Variants in DHX8 observed in about 807,000 individuals in gnomAD.
DHX8 encodes the protein ATP-dependent RNA helicase DHX8.
A neutral mutation model predicts 140.7 loss-of-function variants in DHX8; 67 were observed. That is an observed-to-expected ratio of 0.48 (90% confidence interval 0.39 to 0.58). The LOEUF is 0.58. DHX8 is among the 20% of genes least tolerant of loss of function. The pLI, the probability that DHX8 is intolerant of heterozygous loss-of-function variation, is 0.00. For synonymous variants in DHX8, 533 were observed against 553.2 expected (o/e 0.96, Z 0.51); for missense variants, 887 against 1,550.7 (o/e 0.57, Z 7.19).
At chr17:43,530,523 G>T (rs954354357), downstream of DHX8, 2 of 995,360 alleles carry the variant, frequency 2.0e-6, no homozygotes, top group African/African-American at 1.6e-5. Context: ...TCCGGGGAAA[G>T]AGTTCGGTGT....
Position 43,517,275 on chromosome 17 carries a change from C to G in DHX8, c.2752C>G (p.Pro918Ala), listed in dbSNP as rs1970160446. 1 of 1,613,800 alleles carries G rather than the reference C, an allele frequency of 6.2e-7. No homozygotes were observed. Among genetic ancestry groups the G allele is most frequent in the Non-Finnish European group, 8.5e-7 (1 of 1,179,974 alleles). ...AGATGAAATGCTGACCACCAACGTG[C>G]CGGAAATCCAGAGAACCAACTTAGC... ...YRDEMLTTNVPEIQRTNLAST... is the reference protein window; with the variant it reads ...YRDEMLTTNVAEIQRTNLAST... The change falls in exon 18 of 23, where the codon CCG becomes GCG. Residue 918 changes from proline to alanine, a missense_variant. Pro to Ala is a conservative substitution (Grantham distance 27). Transcript: ENST00000262415.
rs1474029107 is a variant in DHX8 at position 43,517,178 on chromosome 17, G to A, written c.2655G>A (p.Lys885=). ...VVTPISQAQA[K]QRAGRAGRTG... is the part of the protein sequence containing the mutation. ...GCCCACCCCTCTAGGCTCAGGCAAA[G>A]CAACGAGCTGGCAGAGCTGGGAGAA... Residue 885 remains lysine, a synonymous_variant, in exon 18 of 23, where the codon AAG becomes AAA. Coordinates refer to ENST00000262415, the MANE Select transcript of DHX8 (RefSeq NM_004941.3). The A allele has an allele frequency of 1.9e-6, 3 of 1,613,472 alleles. No homozygotes were observed. The highest frequency in any genetic ancestry group is 2.5e-6 in the Non-Finnish European group (3 of 1,179,808).
chr17:43,539,242 C>T (rs1204646939), intron 3 of DHX8, among the ~76,000 whole-genome samples: 1 of 152,206 alleles, frequency 6.6e-6, no homozygotes, highest in East Asian at 1.9e-4. Flanking sequence ...GAATCTGCAG[C>T]ACTCTGGTCT....
intron 17 of DHX8, among the ~76,000 whole-genome samples, chr17:43,516,939 T>C (rs1462665474): frequency 2.6e-5 from 4 of 152,216 alleles, no homozygotes; most frequent in Non-Finnish European, 5.9e-5. Flanking sequence ...ATTTCTTCCA[T>C]TAACCCTGCT....
chr17:43,522,359 A>C (rs1970416646), intron 22 of DHX8, 133 bp downstream of exon 22: 1 of 849,708 alleles, frequency 1.2e-6, no homozygotes, highest in Non-Finnish European at 1.8e-6. Context: ...TTTCTAGAGC[A>C]GCAGAAACCT....
chr17:43,513,822 T>C (rs1360281264), intron 17 of DHX8, among the ~76,000 whole-genome samples: 1 of 150,470 alleles, frequency 6.6e-6, no homozygotes, highest in African/African-American at 2.4e-5. Context: ...CAAGCGATTC[T>C]CCTGCCTTAG....
rs562564270 is a variant in DHX8, at chr17:43,520,864, C to A, written c.3051C>A (p.Val1017=). The A allele has an allele frequency of 7.5e-6, 12 of 1,609,612 alleles. No homozygotes were observed. The South Asian group carries it at 1.1e-4, about 15-fold the overall frequency. ...TATCCATGCTGTCTGTGCAGAACGT[C>A]TTCTATAGGCCCAAGGTAGGAAGTT... ...TIVSMLSVQN[V]FYRPKDKQAL... The change falls in exon 20 of 23, where the codon GTC becomes GTA. Residue 1017 remains valine (V), a synonymous_variant. Coordinates refer to ENST00000262415, the MANE Select transcript of DHX8 (RefSeq NM_004941.3).
chr17:43,508,075 A>C, intron 15 of DHX8, 56 bp downstream of exon 15: 1 of 1,523,018 alleles, frequency 6.6e-7, no homozygotes, highest in East Asian at 2.3e-5. Context: ...CTCTTAGGCC[A>C]AAAGTCCTCA....
chr17:43,508,298 A>G, intron 15 of DHX8, 41 bp from the exon 16 acceptor site: 1 of 1,585,002 alleles, frequency 6.3e-7, no homozygotes, highest in Non-Finnish European at 8.6e-7. Context: ...GGACACACAT[A>G]CACACACAGA....
intron 11 of DHX8, among the ~76,000 whole-genome samples, chr17:43,501,775 A>AC (rs1969214234): frequency 6.6e-6 from 1 of 152,138 alleles, no homozygotes; most frequent in African/African-American, 2.4e-5. Context: ...AGTGTGAGCC[A>AC]CCGTGCCCAG....
downstream of DHX8, chr17:43,529,984 TG>T (rs1312914015): frequency 1.2e-6 from 2 of 1,613,848 alleles, no homozygotes; most frequent in East Asian, 4.5e-5. Context: ...TGCTCAGATC[TG>T]GGGGTTCACC....
intron 11 of DHX8, among the ~76,000 whole-genome samples, chr17:43,501,967 A>G (rs1434061163): frequency 6.6e-6 from 1 of 152,198 alleles, no homozygotes; most frequent in Non-Finnish European, 1.5e-5. Context: ...TGTACTTGAG[A>G]AAAGTAATTT....
chr17:43,526,143 C>T (rs551192695), downstream of DHX8: 4 of 985,260 alleles, frequency 4.1e-6, no homozygotes, highest in Admixed American at 1.2e-4. Context: ...AGGGGGGGGT[C>T]CTGTCCAGAT....
At chr17:43,500,172 CACTCCCGGCACACACTAA>C (rs995121215) in intron 11 of DHX8, 69 bp downstream of exon 11, 16 of 1,520,676 alleles carry the variant, frequency 1.1e-5, no homozygotes, top group Non-Finnish European at 1.4e-5. Context: ...AGGGAGGGGT[CACTCCCGGCACACACTAA>C]AAATTTACCC....
intron 13 of DHX8, 25 bp from the exon 14 acceptor site, chr17:43,507,478 G>A (rs1161591255): frequency 1.3e-6 from 2 of 1,599,524 alleles, no homozygotes; most frequent in Non-Finnish European, 1.7e-6. Flanking sequence ...TGTATCCTAG[G>A]TTTTCCCCTT....
intron 18 of DHX8, chr17:43,518,422 G>A (rs1388647761): frequency 6.6e-6 from 1 of 151,970 alleles, no homozygotes. Context: ...TGGTGGTTTT[G>A]TGAACATAGT....
intron 11 of DHX8, among the ~76,000 whole-genome samples, chr17:43,501,048 A>G (rs1969164573): frequency 6.6e-6 from 1 of 152,020 alleles, no homozygotes; most frequent in Non-Finnish European, 1.5e-5. Context: ...GCAACTGGGG[A>G]TACGATTTGA....
At position 43,524,001 on chromosome 17, in the gene DHX8, A is replaced by G; in HGVS notation, c.*154A>G. On this transcript the variant is annotated 3_prime_UTR_variant, in exon 23 of 23. Coordinates refer to ENST00000262415, the MANE Select transcript of DHX8 (RefSeq NM_004941.3). ...CTCTCATTTCTTCCCTGCTGGTAAA[A>G]TAGAAACAGGGATTTAAACCTGGCT... 6.9e-7 allele frequency: 1 copy of G among 1,445,094 alleles called. No individual in the cohort carries two copies. The highest frequency in any genetic ancestry group is 9.1e-7 in the Non-Finnish European group (1 of 1,104,074). 89.5% of individuals were successfully genotyped at this position (1,445,094 alleles called of 1,614,324 possible).
intron 2 of DHX8, chr17:43,533,848 C>A (rs1971092336): frequency 6.2e-7 from 1 of 1,606,392 alleles, no homozygotes; most frequent in East Asian, 2.3e-5. Context: ...CAGGTCCAGG[C>A]TGGGGCTCAC....
Sources: gnomAD v4.1 joint callset for allele counts (sites outside exome capture counted in the v4.1 genomes callset) on GRCh38, gnomAD v4.1.1 for gene constraint, MANE v1.5 for transcripts, NCBI Gene and HGNC (gene_info 2026-07-23, HGNC 2026-07-21) for gene names.